Variants in ANK2 observed in about 807,000 individuals in gnomAD.
The protein encoded by ANK2 is ankyrin 2, also known as ankyrin-2.
A neutral mutation model predicts 360.5 loss-of-function variants in ANK2; 83 were observed. The ratio of observed to expected loss-of-function variants is 0.23; its 90% CI spans 0.19 to 0.28. The LOEUF is 0.28. Ranked by LOEUF, ANK2 falls within the 10% of genes least tolerant of loss-of-function variation. The pLI is 1.00. For missense variants in ANK2, 4,201 were observed against 4,795.7 expected (o/e 0.88, Z 3.66); for synonymous variants, 1,740 against 1,759.5 (o/e 0.99, Z 0.28).
Position 113,381,439 on chromosome 4 carries a change from T to G in ANK2, c.11860-18T>G, listed in dbSNP as rs138978479. ...GCAGTGAAAAGAGCGTAATTCTCTC[T>G]TGTCTGCTTTTCTCCAGGACAACAA... is the stretch of plus-strand genomic sequence containing the variant. On this transcript the variant is annotated intron_variant, in intron 45 of 45. Coordinates refer to ENST00000357077, the MANE Select transcript of ANK2 (RefSeq NM_001148.6). 647 of 1,614,092 alleles carry G rather than the reference T, an allele frequency of 4.0e-4. 4 individuals carry two copies. In the African/African-American group the frequency reaches 5.6e-3, roughly 14 times the overall value.
intron 1 of ANK2, among the ~76,000 whole-genome samples, chr4:113,072,371 G>A (rs2077911964): frequency 6.6e-6 from 1 of 152,226 alleles, no homozygotes; most frequent in Non-Finnish European, 1.5e-5. Flanking sequence ...GACATAAGGA[G>A]TCACTTAAGC....
At chr4:113,276,890 T>C (rs535136140) in intron 15 of ANK2, among the ~76,000 whole-genome samples, 8 of 152,088 alleles carry the variant, frequency 5.3e-5, no homozygotes, top group Non-Finnish European at 8.8e-5. Flanking sequence ...TTGCTATGTG[T>C]TTTACAGGCC....
chr4:112,954,148 T>C (rs1455525420), intron 2 of ANK2, among the ~76,000 whole-genome samples: 1 of 152,058 alleles, frequency 6.6e-6, no homozygotes, highest in Non-Finnish European at 1.5e-5. Context: ...TGGATATTGT[T>C]GTCCCACCCC....
intron 4 of ANK2, among the ~76,000 whole-genome samples, chr4:113,204,301 C>T (rs1198360579): frequency 6.6e-6 from 1 of 151,970 alleles, no homozygotes; most frequent in Non-Finnish European, 1.5e-5. Context: ...GACTAGACAC[C>T]ATCATCAAAC....
chr4:113,160,685 A>G (rs928261398), intron 1 of ANK2, among the ~76,000 whole-genome samples: 2 of 152,228 alleles, frequency 1.3e-5, no homozygotes, highest in Admixed American at 6.5e-5. Flanking sequence ...ATAAAAATGA[A>G]TAAGTCATGG....
the ANK2 span, among the ~76,000 whole-genome samples, chr4:112,740,368 C>T: frequency 6.6e-6 from 1 of 151,884 alleles, no homozygotes; most frequent in African/African-American, 2.4e-5. Context: ...CTCCAGAGTA[C>T]CTGGGACTAC....
chr4:112,867,672 GT>G (rs34029563), intron 1 of ANK2, among the ~76,000 whole-genome samples: 432 of 135,154 alleles, frequency 3.2e-3, no homozygotes, highest in South Asian at 0.012. Flanking sequence ...TTTTAAGTCT[GT>G]TTTTTTTTTT....
Position 113,360,831 on chromosome 4 carries a change from G to T in ANK2, c.10690G>T (p.Asp3564Tyr). The T allele has an allele frequency of 1.9e-6, 3 of 1,612,566 alleles. No homozygotes were observed. Among genetic ancestry groups the T allele is most frequent in the Non-Finnish European group, 2.5e-6 (3 of 1,179,214 alleles). ...TTTTTGACCTTCTCCAGATCCACAG[G>T]ATGAGCAGGAACGGATCGAGGAAAG... The part of the protein sequence containing the change: ...NGHDHAEDPQ[D>Y]EQERIEERLA... The change falls in exon 39 of 46, where the codon GAT (aspartate) becomes TAT (tyrosine). Residue 3564 changes from aspartate to tyrosine, a missense_variant. Coordinates refer to ENST00000357077, the MANE Select transcript of ANK2 (RefSeq NM_001148.6).
the ANK2 span, chr4:112,788,341 C>T: frequency 6.5e-7 from 1 of 1,548,564 alleles, no homozygotes; most frequent in Non-Finnish European, 8.8e-7. Context: ...TGATAATGCA[C>T]TAAGGGACCA....
At chr4:113,124,956 C>A (rs1262146257) in intron 1 of ANK2, among the ~76,000 whole-genome samples, 2 of 151,954 alleles carry the variant, frequency 1.3e-5, no homozygotes, top group East Asian at 3.9e-4. Context: ...ATAGAGAGAT[C>A]CCCATCTCTT....
intron 26 of ANK2, among the ~76,000 whole-genome samples, chr4:113,326,227 G>A (rs2089813025): frequency 6.6e-6 from 1 of 151,904 alleles, no homozygotes; most frequent in Admixed American, 6.6e-5. Context: ...GGCACTTTTG[G>A]GTATTCTAAT....
chr4:113,160,693 T>C (rs1156545496), intron 1 of ANK2, among the ~76,000 whole-genome samples: 2 of 152,202 alleles, frequency 1.3e-5, no homozygotes, highest in Non-Finnish European at 2.9e-5. Context: ...GAATAAGTCA[T>C]GGACTATTTC....
intron 1 of ANK2, among the ~76,000 whole-genome samples, chr4:112,888,045 C>T (rs1477270519): frequency 6.6e-6 from 1 of 152,070 alleles, no homozygotes; most frequent in Admixed American, 6.6e-5. Flanking sequence ...CATAGCTGTA[C>T]TATAAGGCCT....
At chr4:113,092,456 C>T (rs997870311) in intron 1 of ANK2, among the ~76,000 whole-genome samples, 3 of 151,446 alleles carry the variant, frequency 2.0e-5, no homozygotes, top group African/African-American at 7.3e-5. Context: ...CAGACCCCAG[C>T]TTTGACCTAT....
chr4:113,200,793 G>A (rs1584700840), intron 4 of ANK2, among the ~76,000 whole-genome samples: 1 of 152,020 alleles, frequency 6.6e-6, no homozygotes, highest in East Asian at 1.9e-4. Context: ...AAACATAAGG[G>A]TGCAGGTGTC....
At chr4:112,952,606 G>A (rs1477736597) in intron 2 of ANK2, among the ~76,000 whole-genome samples, 2 of 152,158 alleles carry the variant, frequency 1.3e-5, no homozygotes, top group South Asian at 4.1e-4. Flanking sequence ...ATACCATGAT[G>A]TAATCCTACT....
chr4:112,937,268 G>T (rs1375253141), intron 2 of ANK2, among the ~76,000 whole-genome samples: 1 of 151,922 alleles, frequency 6.6e-6, no homozygotes, highest in Non-Finnish European at 1.5e-5. Context: ...TATGGAAGCG[G>T]CTATAAAAGT....
intron 24 of ANK2, among the ~76,000 whole-genome samples, chr4:113,312,933 C>T (rs2080869595): frequency 6.6e-6 from 1 of 152,114 alleles, no homozygotes; most frequent in African/African-American, 2.4e-5. Context: ...AGAGGACTAG[C>T]ACTCTAACCT....
chr4:112,900,282 C>G (rs777403450), intron 1 of ANK2, among the ~76,000 whole-genome samples: 7 of 152,104 alleles, frequency 4.6e-5, no homozygotes. Flanking sequence ...CATTATTACC[C>G]CTCTTTAAGA....
Sources: allele counts gnomAD v4.1 joint callset (sites outside exome capture counted in the v4.1 genomes callset), GRCh38; gene constraint gnomAD v4.1.1; transcripts MANE v1.5; gene names NCBI Gene and HGNC (gene_info 2026-07-23, HGNC 2026-07-21).